The following DUS2 variants were observed in gnomAD, a reference collection of about 807,000 sequenced individuals.
The protein encoded by DUS2 is dihydrouridine synthase 2, also known as tRNA-dihydrouridine(20) synthase [NAD(P)+]-like.
A neutral mutation model predicts 71.3 loss-of-function variants in DUS2; 52 were observed. That is an observed-to-expected ratio of 0.73 (90% CI 0.58 to 0.92). The LOEUF is 0.92. Ranked by LOEUF, DUS2 falls within the 40% of genes least tolerant of loss-of-function variation. The pLI is 0.00. For missense variants in DUS2, 558 were observed against 622.6 expected (o/e 0.90, Z 1.10); for synonymous variants, 204 against 227.8 (o/e 0.90, Z 0.94).
intron 3 of DUS2, among the ~76,000 whole-genome samples, chr16:68,047,670 A>G (rs1189666970): frequency 2.0e-5 from 3 of 151,688 alleles, no homozygotes. Flanking sequence ...TTTAGTAGAG[A>G]TGGGGTTTCA....
intron 7 of DUS2, among the ~76,000 whole-genome samples, chr16:68,057,728 G>T (rs964023278): frequency 2.0e-5 from 3 of 151,662 alleles, no homozygotes; most frequent in Admixed American, 2.0e-4. Context: ...AAAATTACAA[G>T]CAATTAGCTG....
chr16:68,074,662 C>T (rs1489222564), intron 13 of DUS2, among the ~76,000 whole-genome samples: 2 of 152,240 alleles, frequency 1.3e-5, no homozygotes, highest in Non-Finnish European at 2.9e-5. Flanking sequence ...AACTCCACAC[C>T]TGTGCTTGTA....
At position 68,079,036 on chromosome 16, in the gene DUS2, C is replaced by T; in HGVS notation, c.*50C>T. On this transcript the variant is annotated 3_prime_UTR_variant, in exon 17 of 17. Transcript: ENST00000565263. ...CTCCATGGGCCTGGTGCTAAGGTGG[C>T]TGTGGATGCCACAGCATGAACCAGA... 6.9e-7 allele frequency: 1 copy of T among 1,445,458 alleles called. No individual in the cohort carries two copies. The highest frequency in any genetic ancestry group is 9.3e-7 in the Non-Finnish European group (1 of 1,072,518). 89.5% of individuals were successfully genotyped at this position (1,445,458 alleles called of 1,614,324 possible).
chr16:68,061,785 T>C (rs2033943191), intron 8 of DUS2, among the ~76,000 whole-genome samples: 1 of 152,228 alleles, frequency 6.6e-6, no homozygotes, highest in Non-Finnish European at 1.5e-5. Context: ...AGCCTCATCC[T>C]GCTTCCCAGA....
intron 4 of DUS2, among the ~76,000 whole-genome samples, chr16:68,051,692 G>A (rs1315749588): frequency 1.3e-5 from 2 of 152,020 alleles, no homozygotes; most frequent in Non-Finnish European, 2.9e-5. Flanking sequence ...CACTGGCCAT[G>A]TGTTTCTGTT....
chr16:68,025,054 A>G (rs746651433), intron 1 of DUS2, among the ~76,000 whole-genome samples: 12 of 152,046 alleles, frequency 7.9e-5, no homozygotes, highest in Non-Finnish European at 1.8e-4. Flanking sequence ...CTGGTCTCAA[A>G]CTCCTGACCT....
At chr16:68,052,675 C>G (rs971782192) in intron 4 of DUS2, among the ~76,000 whole-genome samples, 2 of 151,682 alleles carry the variant, frequency 1.3e-5, no homozygotes, top group Non-Finnish European at 2.9e-5. Flanking sequence ...CAGAGCCTCC[C>G]TCTGTTGCCC....
chr16:68,066,700 AATTGATC>A, intron 10 of DUS2, 64 bp downstream of exon 10: 1 of 1,520,714 alleles, frequency 6.6e-7, no homozygotes, highest in Non-Finnish European at 9.1e-7. Flanking sequence ...ATCCTTCCTT[AATTGATC>A]TGTCACCCCA....
In DUS2 at chr16:68,070,165, A is replaced by G. The variant is rs780021661; in HGVS notation, c.586A>G (p.Ser196Gly). Residue 196 changes from serine (S) to glycine (G), a missense_variant, in exon 11 of 17, where the codon AGC (serine) becomes GGC (glycine). By Grantham distance (56) the Ser-to-Gly change is moderately conservative (BLOSUM62 0). Transcript: ENST00000565263. Reference protein sequence around the residue: ...KREERPQHPVSCEVIKAIADT... With the variant: ...KREERPQHPVGCEVIKAIADT... Reference sequence around the variant, plus strand: ...GGAGGAGCGACCTCAGCATCCTGTCAGCTGTGAAGTCATCAAAGCCATTGC... The same window carrying G: ...GGAGGAGCGACCTCAGCATCCTGTCGGCTGTGAAGTCATCAAAGCCATTGC... The G allele has an allele frequency of 6.2e-7, 1 of 1,614,128 alleles. No homozygotes were observed. The highest frequency in any genetic ancestry group is 1.1e-5 in the South Asian group (1 of 91,084).
chr16:68,036,456 C>T (rs1287657928), intron 2 of DUS2, among the ~76,000 whole-genome samples: 9 of 151,592 alleles, frequency 5.9e-5, no homozygotes, highest in East Asian at 5.9e-4. Flanking sequence ...CCACCTCACT[C>T]GGCCCAGCTG....
intron 5 of DUS2, 36 bp from the exon 6 acceptor site, chr16:68,054,538 C>T (rs1388071129): frequency 1.9e-6 from 3 of 1,613,420 alleles, no homozygotes; most frequent in Non-Finnish European, 2.5e-6. Flanking sequence ...GTATCTGTGT[C>T]AGGGCAGTGG....
In DUS2 at chr16:68,078,653, C is replaced by T. The variant is rs1360315022; in HGVS notation, c.1245-96C>T. 6 of 1,491,214 alleles carry T rather than the reference C, an allele frequency of 4.0e-6. No homozygotes were observed. In the South Asian group the frequency reaches 7.1e-5, roughly 18 times the overall value. 92.4% of individuals were successfully genotyped at this position (1,491,214 alleles called of 1,614,324 possible). A position where few individuals can be genotyped will look rare whatever the true frequency, so the allele number is the denominator to read the frequency against. The stretch of plus-strand genomic sequence containing the variant: ...CAGTGGCATCCCTGGATGGTGACCC[C>T]TTACTCAGTCTTGTCAGAATCTGCC... On this transcript the variant is annotated intron_variant, in intron 16 of 16. Transcript: ENST00000565263.
intron 2 of DUS2, among the ~76,000 whole-genome samples, chr16:68,036,151 C>T (rs1490567512): frequency 1.3e-5 from 2 of 149,934 alleles, no homozygotes; most frequent in Non-Finnish European, 3.0e-5. Context: ...CATGCATCAG[C>T]ACAGCTGGCT....
chr16:68,040,033 G>A (rs909276049), intron 3 of DUS2, among the ~76,000 whole-genome samples: 1 of 152,060 alleles, frequency 6.6e-6, no homozygotes, highest in Non-Finnish European at 1.5e-5. Context: ...TCATTTGGGG[G>A]ATTTGGCGTG....
At chr16:68,037,392 T>C (rs1057145219) in intron 2 of DUS2, among the ~76,000 whole-genome samples, 1 of 150,724 alleles carries the variant, frequency 6.6e-6, no homozygotes, top group African/African-American at 2.4e-5. Context: ...AAGACCAGCC[T>C]GGCCAATGTG....
At chr16:68,076,375 G>T (rs376091338) in intron 14 of DUS2, among the ~76,000 whole-genome samples, 3 of 152,178 alleles carry the variant, frequency 2.0e-5, no homozygotes, top group Non-Finnish European at 2.9e-5. Context: ...TCAGAGTACT[G>T]GGAGTTCATT....
At chr16:68,035,516 C>T (rs1014787288) in intron 2 of DUS2, among the ~76,000 whole-genome samples, 1 of 151,536 alleles carries the variant, frequency 6.6e-6, no homozygotes, top group Non-Finnish European at 1.5e-5. Context: ...CCAAATTACT[C>T]TGACCATAGG....
intron 2 of DUS2, among the ~76,000 whole-genome samples, chr16:68,037,228 G>T (rs766286027): frequency 9.2e-4 from 139 of 151,184 alleles, no homozygotes; most frequent in Non-Finnish European, 4.1e-4. Flanking sequence ...CACAGACTAG[G>T]TACTTAATAA....
chr16:68,026,291 G>A (rs912847423), intron 2 of DUS2, among the ~76,000 whole-genome samples: 2 of 152,142 alleles, frequency 1.3e-5, no homozygotes, highest in South Asian at 2.1e-4. Context: ...GTGCCCAGCC[G>A]AGAAATTGGT....
Sources: allele counts gnomAD v4.1 joint callset (sites outside exome capture counted in the v4.1 genomes callset), GRCh38; gene constraint gnomAD v4.1.1; transcripts MANE v1.5; gene names NCBI Gene and HGNC (gene_info 2026-07-23, HGNC 2026-07-21).